The following NBAS variants were observed in gnomAD, a reference collection of about 807,000 sequenced individuals.
NBAS encodes the protein NBAS subunit of NRZ tethering complex, also known as NAG/BC035112 fusion.
A neutral mutation model predicts 302.5 loss-of-function variants in NBAS; 219 were observed. That is an observed-to-expected ratio of 0.72 (90% CI 0.65 to 0.81). NBAS has a LOEUF of 0.81. NBAS is among the 30% of genes least tolerant of loss of function. The probability of loss-of-function intolerance (pLI) is 0.00; values close to 1 mark genes in which losing one functional copy is unlikely to be tolerated. For synonymous variants in NBAS, 1,118 were observed against 1,021.6 expected (o/e 1.09, Z -1.80); for missense variants, 2,932 against 2,841.6 (o/e 1.03, Z -0.72).
the NBAS span, among the ~76,000 whole-genome samples, chr2:15,026,537 A>G: frequency 0.78 from 114,093 of 147,018 alleles, 44,949 homozygotes; most frequent in East Asian, 1. Flanking sequence ...TTTGTCTTTA[A>G]TTCCATTTAT....
chr2:15,494,852 C>T (rs1681006237), intron 11 of NBAS, among the ~76,000 whole-genome samples: 1 of 152,178 alleles, frequency 6.6e-6, no homozygotes, highest in Non-Finnish European at 1.5e-5. Flanking sequence ...TGCACCTCCA[C>T]TTGAAATCTT....
At chr2:15,420,958 T>C (rs1002451088) in intron 23 of NBAS, among the ~76,000 whole-genome samples, 2 of 152,006 alleles carry the variant, frequency 1.3e-5, no homozygotes, top group Admixed American at 6.6e-5. Context: ...GCATTTTCAG[T>C]TGGAAAGAGT....
chr2:15,552,663 G>A (rs1335158639), intron 5 of NBAS, among the ~76,000 whole-genome samples: 4 of 152,074 alleles, frequency 2.6e-5, no homozygotes, highest in South Asian at 4.2e-4. Context: ...TCTTTTAGAT[G>A]TGTATATAAT....
chr2:14,858,009 G>A, the NBAS span, among the ~76,000 whole-genome samples: 1 of 152,070 alleles, frequency 6.6e-6, no homozygotes, highest in South Asian at 2.1e-4. Context: ...CAAAAAGTGG[G>A]CAAGAGACTT....
chr2:14,941,402 G>T, the NBAS span, among the ~76,000 whole-genome samples: 10 of 152,186 alleles, frequency 6.6e-5, no homozygotes, highest in African/African-American at 2.4e-4. Context: ...AAAAGCATTT[G>T]CTCCTACTCC....
intron 9 of NBAS, among the ~76,000 whole-genome samples, chr2:15,527,195 T>C (rs942999661): frequency 1.9e-4 from 29 of 152,162 alleles, no homozygotes; most frequent in Middle Eastern, 3.4e-3. Flanking sequence ...ATAAATTTTC[T>C]TTTCTACTCA....
chr2:15,227,416 C>G (rs1475978924), intron 47 of NBAS, among the ~76,000 whole-genome samples: 1 of 151,814 alleles, frequency 6.6e-6, no homozygotes, highest in Non-Finnish European at 1.5e-5. Context: ...TTAAAACATC[C>G]ATAATACCCA....
chr2:15,402,826 T>C (rs553074890), intron 25 of NBAS, among the ~76,000 whole-genome samples: 2 of 152,222 alleles, frequency 1.3e-5, no homozygotes, highest in African/African-American at 4.8e-5. Flanking sequence ...ATATTTCTGA[T>C]GAAGAAAGAT....
chr2:14,980,855 T>C, the NBAS span, among the ~76,000 whole-genome samples: 1 of 152,178 alleles, frequency 6.6e-6, no homozygotes, highest in African/African-American at 2.4e-5. Context: ...CAAGACGCTA[T>C]GGGCAGGTAA....
chr2:14,862,560 T>C, the NBAS span, among the ~76,000 whole-genome samples: 2 of 152,288 alleles, frequency 1.3e-5, no homozygotes, highest in East Asian at 3.9e-4. Context: ...CAAACAAATA[T>C]GTAACCTTTC....
the NBAS span, among the ~76,000 whole-genome samples, chr2:15,091,306 TG>T: frequency 1.8e-4 from 3 of 17,112 alleles, no homozygotes; most frequent in East Asian, 6.7e-3. Context: ...TTGAACTGCA[TG>T]GGTCCACTGA....
At chr2:15,434,384 G>T (rs73200622) in intron 21 of NBAS, among the ~76,000 whole-genome samples, 4 of 152,082 alleles carry the variant, frequency 2.6e-5, no homozygotes, top group Non-Finnish European at 5.9e-5. Flanking sequence ...TTGAATAAGA[G>T]ACACTGAAGG....
the NBAS span, among the ~76,000 whole-genome samples, chr2:15,112,428 T>G: frequency 6.6e-6 from 1 of 152,006 alleles, no homozygotes; most frequent in Non-Finnish European, 1.5e-5. Flanking sequence ...CCAGTGAAGA[T>G]CCAACATACG....
At chr2:15,496,781 A>G (rs1681089719) in intron 11 of NBAS, among the ~76,000 whole-genome samples, 1 of 152,184 alleles carries the variant, frequency 6.6e-6, no homozygotes, top group African/African-American at 2.4e-5. Context: ...TTCTAGGTAA[A>G]ACAGATGTGA....
At chr2:15,448,159 C>T (rs999034728) in intron 21 of NBAS, among the ~76,000 whole-genome samples, 1 of 152,186 alleles carries the variant, frequency 6.6e-6, no homozygotes, top group African/African-American at 2.4e-5. Context: ...AGTCGAACTA[C>T]AGCAATTTCC....
intron 47 of NBAS, among the ~76,000 whole-genome samples, chr2:15,226,860 G>C (rs1241635168): frequency 6.6e-6 from 1 of 152,122 alleles, no homozygotes; most frequent in Non-Finnish European, 1.5e-5. Context: ...TGCAAACGTG[G>C]ACAATCTGAC....
At chr2:15,082,865 C>G in the NBAS span, among the ~76,000 whole-genome samples, 1 of 152,224 alleles carries the variant, frequency 6.6e-6, no homozygotes, top group African/African-American at 2.4e-5. Context: ...TGAGGAGTCA[C>G]AAGACATGCC....
chr2:15,130,127 C>T, the NBAS span, among the ~76,000 whole-genome samples: 1 of 152,256 alleles, frequency 6.6e-6, no homozygotes, highest in East Asian at 1.9e-4. Context: ...TGGACATTTC[C>T]TACAAATTCA....
At chr2:15,445,127 C>A (rs1026008864) in intron 21 of NBAS, among the ~76,000 whole-genome samples, 3 of 151,576 alleles carry the variant, frequency 2.0e-5, no homozygotes, top group Non-Finnish European at 4.4e-5. Context: ...ACTAGAAATA[C>A]CATTTGACCC....
Sources: gnomAD v4.1 joint callset for allele counts (sites outside exome capture counted in the v4.1 genomes callset) on GRCh38, gnomAD v4.1.1 for gene constraint, MANE v1.5 for transcripts, NCBI Gene and HGNC (gene_info 2026-07-23, HGNC 2026-07-21) for gene names.